THSD7B: variants seen among roughly 807,000 people sequenced by gnomAD.
THSD7B encodes thrombospondin type-1 domain-containing protein 7B.
In THSD7B, 138 loss-of-function variants were observed where a neutral mutation model predicts 213.6. The observed-to-expected ratio is 0.65, with a 90% confidence interval of 0.56 to 0.74. THSD7B has a LOEUF of 0.74. THSD7B is among the 30% of genes least tolerant of loss of function. THSD7B has a pLI of 0.00. For synonymous variants in THSD7B, 742 were observed against 687.0 expected (o/e 1.08, Z -1.25); for missense variants, 1,931 against 1,991.5 (o/e 0.97, Z 0.58).
intron 7 of THSD7B, among the ~76,000 whole-genome samples, chr2:137,172,377 T>A (rs1046163826): frequency 6.6e-6 from 1 of 152,140 alleles, no homozygotes; most frequent in Non-Finnish European, 1.5e-5. Context: ...GTTCACCCAC[T>A]GGAAACAAGA....
chr2:137,372,145 G>A (rs961480793), intron 12 of THSD7B, among the ~76,000 whole-genome samples: 11 of 151,918 alleles, frequency 7.2e-5, no homozygotes, highest in African/African-American at 2.4e-4. Context: ...TGTACTGAAT[G>A]GACGTCCAAG....
chr2:137,648,912 A>G (rs1458444361), intron 21 of THSD7B, among the ~76,000 whole-genome samples: 1 of 152,180 alleles, frequency 6.6e-6, no homozygotes, highest in Non-Finnish European at 1.5e-5. Flanking sequence ...CCCTTTGTCC[A>G]CATCCTCACC....
intron 12 of THSD7B, among the ~76,000 whole-genome samples, chr2:137,388,884 T>C (rs1685952938): frequency 1.3e-5 from 2 of 152,108 alleles, no homozygotes; most frequent in South Asian, 4.1e-4. Flanking sequence ...TTCTATTGTG[T>C]ATATATACCA....
intron 1 of THSD7B, among the ~76,000 whole-genome samples, chr2:136,878,468 T>C (rs1250674635): frequency 6.6e-6 from 1 of 152,178 alleles, no homozygotes; most frequent in Non-Finnish European, 1.5e-5. Context: ...GTATTTCTAG[T>C]TCTAGATCCT....
chr2:136,963,476 TAAAATAA>T (rs1181180737), intron 2 of THSD7B, among the ~76,000 whole-genome samples: 2 of 151,932 alleles, frequency 1.3e-5, no homozygotes, highest in Non-Finnish European at 1.5e-5. Context: ...GATCCATCTC[TAAAATAA>T]AAAATAAAAA....
chr2:137,154,360 G>T (rs774994770), intron 5 of THSD7B, among the ~76,000 whole-genome samples: 1 of 151,964 alleles, frequency 6.6e-6, no homozygotes, highest in African/African-American at 2.4e-5. Context: ...TCTGAATTTT[G>T]AAAAAGACTG....
chr2:137,089,332 GTA>G (rs1473570517), intron 3 of THSD7B, among the ~76,000 whole-genome samples: 2 of 148,620 alleles, frequency 1.3e-5, no homozygotes, highest in Non-Finnish European at 3.0e-5. Context: ...ATATGTGTGT[GTA>G]TATGTATATA....
intron 7 of THSD7B, among the ~76,000 whole-genome samples, chr2:137,205,350 AG>A (rs1385057756): frequency 6.6e-6 from 1 of 152,090 alleles, no homozygotes; most frequent in Non-Finnish European, 1.5e-5. Context: ...CCACAAATGA[AG>A]GGAATTTATA....
At chr2:137,475,122 G>T (rs1372128861) in intron 15 of THSD7B, among the ~76,000 whole-genome samples, 2 of 152,080 alleles carry the variant, frequency 1.3e-5, no homozygotes, top group Non-Finnish European at 2.9e-5. Flanking sequence ...TGGAGTCTTT[G>T]TTCATATGTA....
At chr2:137,138,080 G>A (rs1212778774) in intron 5 of THSD7B, among the ~76,000 whole-genome samples, 1 of 151,976 alleles carries the variant, frequency 6.6e-6, no homozygotes, top group Non-Finnish European at 1.5e-5. Flanking sequence ...CTTTTGTACA[G>A]ATGGGGTCCC....
chr2:137,418,668 G>A (rs896190704), intron 14 of THSD7B, among the ~76,000 whole-genome samples: 13 of 151,824 alleles, frequency 8.6e-5, no homozygotes, highest in South Asian at 2.1e-4. Context: ...ATTTGTACCC[G>A]TTAATCAACC....
At chr2:137,419,269 C>T (rs1573614734) in intron 14 of THSD7B, among the ~76,000 whole-genome samples, 1 of 151,486 alleles carries the variant, frequency 6.6e-6, no homozygotes, top group African/African-American at 2.4e-5. Context: ...GCAGGAGATA[C>T]CCCATCTACT....
chr2:136,805,579 G>T (rs1682266214), intron 1 of THSD7B, among the ~76,000 whole-genome samples: 1 of 152,042 alleles, frequency 6.6e-6, no homozygotes, highest in South Asian at 2.1e-4. Flanking sequence ...TGCCCATCCA[G>T]TTCGGTTCTC....
intron 12 of THSD7B, among the ~76,000 whole-genome samples, chr2:137,366,975 T>A (rs961870075): frequency 6.6e-6 from 1 of 152,306 alleles, no homozygotes; most frequent in African/African-American, 2.4e-5. Flanking sequence ...GTTTTCCGTA[T>A]TTACTTCCAA....
At chr2:137,338,987 G>A (rs192309802) in intron 12 of THSD7B, among the ~76,000 whole-genome samples, 6 of 152,142 alleles carry the variant, frequency 3.9e-5, no homozygotes, top group Middle Eastern at 3.4e-3. Context: ...TCATAAGGTG[G>A]CATATAATAG....
At position 136,832,737 on chromosome 2, in the gene THSD7B, A is replaced by G. The variant is rs1682776406; in HGVS notation, c.-35-49407A>G. Among the ~76,000 whole-genome samples, 3 of 152,178 alleles carry G rather than the reference A, an allele frequency of 2.0e-5. No individual in the cohort carries two copies. In the South Asian group the frequency reaches 6.2e-4, roughly 31 times the overall value. ...ATCATTTGTTTTGCATATAGCATAT[A>G]ACAAGAACTATGCTGGTCCAGATGG... On this transcript the variant is annotated intron_variant, in intron 1 of 27. Coordinates refer to ENST00000409968, the MANE Select transcript of THSD7B (RefSeq NM_001316349.2).
chr2:137,667,662 A>C, intron 26 of THSD7B, 112 bp from the exon 27 acceptor site: 1 of 789,736 alleles, frequency 1.3e-6, no homozygotes, highest in Non-Finnish European at 2.0e-6. Context: ...GCTGCTGTTC[A>C]AGTACAGAAC....
chr2:137,609,216 A>T (rs1682242977), intron 17 of THSD7B, among the ~76,000 whole-genome samples: 1 of 152,212 alleles, frequency 6.6e-6, no homozygotes, highest in African/African-American at 2.4e-5. Context: ...TGAGCCTATT[A>T]GGGGAAAGAT....
intron 7 of THSD7B, among the ~76,000 whole-genome samples, chr2:137,227,322 G>A (rs1411586365): frequency 2.0e-5 from 3 of 152,174 alleles, no homozygotes; most frequent in Admixed American, 2.0e-4. Flanking sequence ...GGAGAGAACA[G>A]GGAGTTTGCT....
Sources: allele counts gnomAD v4.1 joint callset (sites outside exome capture counted in the v4.1 genomes callset), GRCh38; gene constraint gnomAD v4.1.1; transcripts MANE v1.5; gene names NCBI Gene and HGNC (gene_info 2026-07-23, HGNC 2026-07-21).